LRIF1: variants seen among roughly 807,000 people sequenced by gnomAD.
LRIF1 encodes ligand-dependent nuclear receptor-interacting factor 1.
LRIF1 carries 32 observed loss-of-function variants against 52.7 expected under a neutral mutation model. The observed-to-expected ratio is 0.61, with a 90% confidence interval of 0.46 to 0.82. The LOEUF (loss-of-function observed/expected upper bound fraction) is 0.82. Among genes scored for constraint, LRIF1 ranks in the 40% least tolerant of loss-of-function variants. LRIF1 has a pLI of 0.00. For synonymous variants in LRIF1, 323 were observed against 317.4 expected, an observed-to-expected ratio of 1.02 and a Z score of -0.19; for missense variants, 887 against 892.0, an observed-to-expected ratio of 0.99 and a Z score of 0.07.
chr1:110,942,960 A>G (rs576137940), downstream of LRIF1, among the ~76,000 whole-genome samples: 57 of 152,278 alleles, frequency 3.7e-4, no homozygotes, highest in Non-Finnish European at 6.3e-4. Flanking sequence ...AAAATAAGAG[A>G]CATAAAAAGA....
At chr1:110,882,770 A>G in the LRIF1 span, among the ~76,000 whole-genome samples, 1 of 151,986 alleles carries the variant, frequency 6.6e-6, no homozygotes, top group Non-Finnish European at 1.5e-5. Flanking sequence ...TTCAGTGTAC[A>G]ATTCTTTCAC....
the LRIF1 span, among the ~76,000 whole-genome samples, chr1:110,921,825 T>TA: frequency 3.3e-5 from 5 of 152,262 alleles, no homozygotes; most frequent in South Asian, 2.1e-4. Flanking sequence ...GTACCTTTTT[T>TA]AAAAAAAGCT....
chr1:110,883,886 A>T, the LRIF1 span, among the ~76,000 whole-genome samples: 33,474 of 151,752 alleles, frequency 0.22, 4,052 homozygotes, highest in East Asian at 0.32. Context: ...TGTTCTCTCA[A>T]TCCTAATATT....
the LRIF1 span, among the ~76,000 whole-genome samples, chr1:110,907,025 G>A: frequency 6.6e-6 from 1 of 152,086 alleles, no homozygotes; most frequent in Non-Finnish European, 1.5e-5. Flanking sequence ...TCTTAAAGAG[G>A]CCCCATGCTG....
intron 1 of LRIF1, among the ~76,000 whole-genome samples, chr1:110,956,733 T>C (rs1282031): frequency 0.99 from 150,646 of 152,286 alleles, 74,529 homozygotes; most frequent in Middle Eastern, 1. Flanking sequence ...CATACGGATA[T>C]TGAAATCACA....
At chr1:110,895,062 A>G in the LRIF1 span, 13 of 1,595,862 alleles carry the variant, frequency 8.1e-6, no homozygotes, top group Non-Finnish European at 1.1e-5. Context: ...ATTTGTGAGT[A>G]CAGGTGGAAT....
Position 110,960,311 on chromosome 1 carries a change from ATG to A in LRIF1, c.68+3308_68+3309del, listed in dbSNP as rs755634827. Among the ~76,000 whole-genome samples, 7 of 151,566 alleles carry A rather than the reference ATG, an allele frequency of 4.6e-5. No individual in the cohort carries two copies. In the South Asian group the frequency reaches 1.2e-3, roughly 27 times the overall value. ...ACAGATTTCATTTAGACTCTATAGT[ATG>A]TGTGTCTGTCTCTCCCTCACACACA... On this transcript the variant is annotated intron_variant, in intron 1 of 3. Coordinates refer to ENST00000369763, the MANE Select transcript of LRIF1 (RefSeq NM_018372.4).
At chr1:110,889,814 G>C in the LRIF1 span, among the ~76,000 whole-genome samples, 1 of 151,908 alleles carries the variant, frequency 6.6e-6, no homozygotes, top group Non-Finnish European at 1.5e-5. Flanking sequence ...CCAAAGCCTG[G>C]GTAGTAAATC....
chr1:110,950,819 T>C (rs1570940682), intron 2 of LRIF1, among the ~76,000 whole-genome samples: 1 of 152,014 alleles, frequency 6.6e-6, no homozygotes. Flanking sequence ...ACCTTTTCCA[T>C]GGTATACCAC....
At chr1:110,911,177 C>A in the LRIF1 span, among the ~76,000 whole-genome samples, 1 of 151,064 alleles carries the variant, frequency 6.6e-6, no homozygotes, top group Admixed American at 6.6e-5. Context: ...CTACCCTCAA[C>A]CCCCCAGGGA....
In LRIF1 at chr1:110,947,798, G is replaced by T. The variant is rs1490323131; in HGVS notation, c.*161C>A. On this transcript the variant is annotated 3_prime_UTR_variant, in exon 4 of 4. Transcript: ENST00000369763. ...CATGTAAATTATTCACAAGTCATAT[G>T]TGAATCAACCTTTTCTGTATTCCTT... 21 of 955,880 alleles carry T rather than the reference G, an allele frequency of 2.2e-5. No individual in the cohort carries two copies. The Admixed American group carries it at 7.2e-4, about 33-fold the overall frequency. The allele number at this position is 955,880 out of a possible 1,614,324, so 59.2% of individuals were successfully genotyped here. A position where few individuals can be genotyped will look rare whatever the true frequency, so the allele number is the denominator to read the frequency against.
chr1:110,902,495 T>TAAAAAAAAAAAAAAAAAAAAAAAAAAAAA, the LRIF1 span, among the ~76,000 whole-genome samples: 5 of 72,664 alleles, frequency 6.9e-5, no homozygotes, highest in African/African-American at 1.4e-4. Flanking sequence ...AATCAATCAC[T>TAAAAAAAAAAAAAAAAAAAAAAAAAAAAA]AAAAAAAAAA....
chr1:110,954,395 C>T (rs1480433923), intron 1 of LRIF1, among the ~76,000 whole-genome samples: 1 of 152,142 alleles, frequency 6.6e-6, no homozygotes, highest in African/African-American at 2.4e-5. Flanking sequence ...ATCCTTCTAC[C>T]TCAGCTTCTC....
intron 1 of LRIF1, chr1:110,963,296 T>A (rs1249808763): frequency 5.3e-6 from 1 of 189,080 alleles, no homozygotes; most frequent in Admixed American, 5.6e-5. Flanking sequence ...TGCGTGAGAA[T>A]CTTCCAGAAG....
chr1:110,899,119 C>T, the LRIF1 span: 166 of 1,611,874 alleles, frequency 1.0e-4, no homozygotes, highest in Non-Finnish European at 1.2e-4. Context: ...CAACTCTTTT[C>T]ACAGGTGTTG....
At chr1:110,962,175 G>A (rs918833135) in intron 1 of LRIF1, among the ~76,000 whole-genome samples, 1 of 151,498 alleles carries the variant, frequency 6.6e-6, no homozygotes, top group Non-Finnish European at 1.5e-5. Flanking sequence ...AGCTAAGTCA[G>A]AAGTCAGTAA....
chr1:110,884,964 G>A, the LRIF1 span, among the ~76,000 whole-genome samples: 1 of 151,930 alleles, frequency 6.6e-6, no homozygotes, highest in Non-Finnish European at 1.5e-5. Context: ...GTATGGTTGG[G>A]ATTTTAGCAT....
At chr1:110,934,450 G>A in the LRIF1 span, among the ~76,000 whole-genome samples, 2 of 152,138 alleles carry the variant, frequency 1.3e-5, no homozygotes, top group South Asian at 2.1e-4. Flanking sequence ...GCCCTGTGTC[G>A]GAAGGGAGCC....
chr1:110,875,246 G>A, the LRIF1 span, among the ~76,000 whole-genome samples: 1 of 152,178 alleles, frequency 6.6e-6, no homozygotes, highest in Non-Finnish European at 1.5e-5. Context: ...AACACACCAT[G>A]TTTACAGAGC....
Sources: gnomAD v4.1 joint callset for allele counts (sites outside exome capture counted in the v4.1 genomes callset) on GRCh38, gnomAD v4.1.1 for gene constraint, MANE v1.5 for transcripts, NCBI Gene and HGNC (gene_info 2026-07-23, HGNC 2026-07-21) for gene names.